The following ERCC6 variants were observed in gnomAD, a reference collection of about 807,000 sequenced individuals.
ERCC6 encodes the protein DNA excision repair protein ERCC-6.
ERCC6 carries 116 observed loss-of-function variants against 158.7 expected under a neutral mutation model. The ratio of observed to expected loss-of-function variants is 0.73; its 90% CI spans 0.63 to 0.85. ERCC6 has a LOEUF of 0.85. Among genes scored for constraint, ERCC6 ranks in the 40% least tolerant of loss-of-function variants. ERCC6 has a pLI of 0.00. For synonymous variants in ERCC6, 678 were observed against 659.3 expected (o/e 1.03, Z -0.43); for missense variants, 1,698 against 1,799.4 (o/e 0.94, Z 1.02).
chr10:49,538,204 A>G (rs1380946242), intron 1 of ERCC6, among the ~76,000 whole-genome samples: 2 of 152,214 alleles, frequency 1.3e-5, no homozygotes, highest in African/African-American at 4.8e-5. Flanking sequence ...TCCCGCAGCC[A>G]GGGGCAAGCT....
At position 49,455,021 on chromosome 10, in the gene ERCC6, GA is replaced by G. The variant is rs912392489; in HGVS notation, c.*3793del. ...GAATGTATTCATGACCCTAGCTAGG[GA>G]ATGGTTCTTAAATAAACAAAAAAAA... On this transcript the variant is annotated 3_prime_UTR_variant, in exon 21 of 21. Coordinates refer to ENST00000355832, the MANE Select transcript of ERCC6 (RefSeq NM_000124.4). 1.4e-4 allele frequency among the ~76,000 whole-genome samples: 22 copies of G among 152,002 alleles called. No individual in the cohort carries two copies. The highest frequency in any genetic ancestry group is 5.1e-4 in the African/African-American group (21 of 41,480).
At chr10:49,528,340 AAAGAG>A (rs1471480494) in intron 4 of ERCC6, 72 bp downstream of exon 4, 1 of 1,548,394 alleles carries the variant, frequency 6.5e-7, no homozygotes, top group Non-Finnish European at 8.9e-7. Flanking sequence ...GGCAAAGACT[AAAGAG>A]ACACCCTCCA....
At chr10:49,537,231 C>G (rs1395791610) in intron 1 of ERCC6, among the ~76,000 whole-genome samples, 1 of 151,636 alleles carries the variant, frequency 6.6e-6, no homozygotes, top group African/African-American at 2.4e-5. Context: ...GTAATCCCAG[C>G]TACTCGAGAG....
chr10:49,474,091 T>C lies in ERCC6; in HGVS notation c.2534A>G (p.Glu845Gly). 1 of 1,614,114 alleles carries C rather than the reference T, an allele frequency of 6.2e-7. No homozygotes were observed. Among genetic ancestry groups the C allele is most frequent in the East Asian group, 2.2e-5 (1 of 44,878 alleles). ...CTTGTGCCATATTTTCAACAAAGAC[T>C]CAACAACAATCATTTTCCCAGAACG... ...WKRSGKMIVV[E>G]SLLKIWHKQG... The change falls in exon 13 of 21, where the codon GAG (glutamate) becomes GGG (glycine). Residue 845 changes from glutamate (E) to glycine (G), a missense_variant. Transcript: ENST00000355832.
chr10:49,535,859 C>A (rs1435779457), intron 1 of ERCC6, among the ~76,000 whole-genome samples: 1 of 152,204 alleles, frequency 6.6e-6, no homozygotes, highest in Non-Finnish European at 1.5e-5. Context: ...CTTGGTGGCT[C>A]ACACCTGTAA....
chr10:49,443,957 T>C, the ERCC6 span, among the ~76,000 whole-genome samples: 1 of 152,180 alleles, frequency 6.6e-6, no homozygotes, highest in Non-Finnish European at 1.5e-5. Flanking sequence ...TCATAAGTGG[T>C]TGACGACAGG....
chr10:49,454,956 T>C lies in ERCC6; in HGVS notation c.*3859A>G, dbSNP rs775151137. Among the ~76,000 whole-genome samples the C allele has an allele frequency of 6.6e-6, 1 of 152,132 alleles. No homozygotes were observed. Among genetic ancestry groups the C allele is most frequent in the Non-Finnish European group, 1.5e-5 (1 of 68,018 alleles). On this transcript the variant is annotated 3_prime_UTR_variant, in exon 21 of 21. Coordinates refer to ENST00000355832, the MANE Select transcript of ERCC6 (RefSeq NM_000124.4). ...ATAATAAACTATTTTTTAAAGGTGC[T>C]AGGGAAACTAGCTATCCATATGGGA...
intron 6 of ERCC6, chr10:49,504,066 T>G (rs1262948703): frequency 6.6e-6 from 1 of 152,246 alleles, no homozygotes; most frequent in Non-Finnish European, 1.5e-5. Context: ...TGGCTAATTG[T>G]ACCTTCTGAC....
chr10:49,488,207 T>C (rs1851108540), intron 8 of ERCC6: 1 of 214,984 alleles, frequency 4.7e-6, no homozygotes, highest in Admixed American at 4.2e-5. Context: ...GGGCTGCTGT[T>C]ATTATGGAGG....
chr10:49,437,330 T>G, the ERCC6 span, among the ~76,000 whole-genome samples: 1 of 152,152 alleles, frequency 6.6e-6, no homozygotes, highest in Non-Finnish European at 1.5e-5. Context: ...TACAGCTACA[T>G]GCAATAATGT....
At chr10:49,533,015 T>C (rs1483544509) in intron 1 of ERCC6, 37 bp from the exon 2 acceptor site, 9 of 1,602,672 alleles carry the variant, frequency 5.6e-6, no homozygotes, top group Middle Eastern at 1.7e-4. Context: ...TTTCGTTATA[T>C]AGGATTCATT....
chr10:49,476,339 A>C (rs1248365389), intron 11 of ERCC6, 29 bp from the exon 12 acceptor site: 1 of 1,466,028 alleles, frequency 6.8e-7, no homozygotes, highest in Non-Finnish European at 9.5e-7. Context: ...AGGAAACTAT[A>C]ATTTCAAAAA....
chr10:49,536,932 G>A (rs1479773092), intron 1 of ERCC6, among the ~76,000 whole-genome samples: 1 of 152,176 alleles, frequency 6.6e-6, no homozygotes, highest in Non-Finnish European at 1.5e-5. Context: ...GCCTGGAAAT[G>A]GGAGAAAGGG....
chr10:49,516,219 C>T (rs1273650955), intron 5 of ERCC6: 2 of 1,614,152 alleles, frequency 1.2e-6, no homozygotes, highest in Non-Finnish European at 1.7e-6. Context: ...GGTGGCACCA[C>T]ACCAAAACTT....
At chr10:49,461,256 A>C in intron 19 of ERCC6, 96 bp downstream of exon 19, 1 of 1,239,964 alleles carries the variant, frequency 8.1e-7, no homozygotes, top group Non-Finnish European at 1.2e-6. Flanking sequence ...ATTCCTGAAG[A>C]GAAATAACAG....
At chr10:49,528,302 CAAAGAAACGTATTTTTCTCAA>C (rs1214600276) in intron 4 of ERCC6, 94 bp downstream of exon 4, 10 of 1,266,090 alleles carry the variant, frequency 7.9e-6, no homozygotes, top group Non-Finnish European at 1.1e-5. Flanking sequence ...GACACTAAGG[CAAAGAAACGTATTTTTCTCAA>C]AACCCAGGCA....
intron 6 of ERCC6, chr10:49,501,870 G>A (rs1851360625): frequency 6.6e-6 from 1 of 152,118 alleles, no homozygotes; most frequent in African/African-American, 2.4e-5. Flanking sequence ...TAAGGTGAGA[G>A]GATTGCTTGA....
At chr10:49,460,234 A>C in intron 20 of ERCC6, 139 bp downstream of exon 20, 1 of 710,540 alleles carries the variant, frequency 1.4e-6, no homozygotes, top group Admixed American at 2.0e-5. Flanking sequence ...TGCATCGTAA[A>C]TCAGAGCGTG....
chr10:49,518,479 A>G (rs1837052237), intron 5 of ERCC6, among the ~76,000 whole-genome samples: 1 of 152,216 alleles, frequency 6.6e-6, no homozygotes, highest in Non-Finnish European at 1.5e-5. Context: ...GAATTAACCT[A>G]TATAACAAGA....
Sources: allele counts gnomAD v4.1 joint callset (sites outside exome capture counted in the v4.1 genomes callset), GRCh38; gene constraint gnomAD v4.1.1; transcripts MANE v1.5; gene names NCBI Gene and HGNC (gene_info 2026-07-23, HGNC 2026-07-21).